The following C18orf63 variants were observed in gnomAD, a reference collection of about 807,000 sequenced individuals.
C18orf63 encodes chromosome 18 open reading frame 63.
C18orf63 carries 50 observed loss-of-function variants against 75.3 expected under a neutral mutation model. The ratio of observed to expected loss-of-function variants is 0.66; its 90% CI spans 0.53 to 0.84. The LOEUF is 0.84. Ranked by LOEUF, C18orf63 falls within the 40% of genes least tolerant of loss-of-function variation. C18orf63 has a pLI of 0.00. For synonymous variants in C18orf63, 232 were observed against 267.6 expected, an observed-to-expected ratio of 0.87 and a Z score of 1.30; for missense variants, 732 against 800.2, an observed-to-expected ratio of 0.91 and a Z score of 1.03.
intron 8 of C18orf63, among the ~76,000 whole-genome samples, chr18:74,339,896 C>T (rs1369813343): frequency 6.6e-6 from 1 of 152,088 alleles, no homozygotes; most frequent in African/African-American, 2.4e-5. Flanking sequence ...GTAACAGCTA[C>T]CAAAAACATA....
At chr18:74,354,375 A>T in intron 12 of C18orf63, 82 bp from the exon 13 acceptor site, 1 of 1,245,738 alleles carries the variant, frequency 8.0e-7, no homozygotes, top group Non-Finnish European at 1.1e-6. Flanking sequence ...CATACTAATT[A>T]ATAAACAGAA....
intron 13 of C18orf63, 76 bp downstream of exon 13, chr18:74,354,622 T>A: frequency 1.5e-6 from 1 of 661,580 alleles, no homozygotes. Flanking sequence ...GTCCCCAACC[T>A]CTTGGTAAAA....
At chr18:74,352,401 A>T (rs1251960139) in intron 11 of C18orf63, among the ~76,000 whole-genome samples, 2 of 152,134 alleles carry the variant, frequency 1.3e-5, no homozygotes, top group African/African-American at 4.8e-5. Context: ...AAAATGGTAA[A>T]TTTTATATTA....
chr18:74,329,058 A>G, intron 6 of C18orf63, 22 bp downstream of exon 6: 1 of 1,403,822 alleles, frequency 7.1e-7, no homozygotes, highest in South Asian at 1.2e-5. Flanking sequence ...TGCATAAGTC[A>G]ATAGATAAAA....
chr18:74,319,679 G>A (rs1039542423), intron 2 of C18orf63, among the ~76,000 whole-genome samples: 14 of 152,194 alleles, frequency 9.2e-5, no homozygotes, highest in Admixed American at 3.9e-4. Context: ...ATGTTTAAGT[G>A]GTTGGTAACT....
intron 5 of C18orf63, among the ~76,000 whole-genome samples, chr18:74,328,790 T>C (rs1176998387): frequency 6.6e-6 from 1 of 152,216 alleles, no homozygotes; most frequent in Non-Finnish European, 1.5e-5. Context: ...GGGGGAAGAA[T>C]TGGGTATTTC....
At chr18:74,317,687 G>A in intron 1 of C18orf63, 147 bp from the exon 2 acceptor site, 2 of 471,516 alleles carry the variant, frequency 4.2e-6, no homozygotes, top group Non-Finnish European at 7.4e-6. Flanking sequence ...AAGGTAAATG[G>A]CAGGGATACT....
intron 13 of C18orf63, 131 bp from the exon 14 acceptor site, chr18:74,356,350 C>T (rs1192629231): frequency 6.6e-6 from 1 of 152,288 alleles, no homozygotes; most frequent in Admixed American, 6.5e-5. Context: ...TATTATTTAG[C>T]TCCCAATAAC....
At chr18:74,349,296 A>G (rs1984626527) in intron 11 of C18orf63, among the ~76,000 whole-genome samples, 2 of 152,236 alleles carry the variant, frequency 1.3e-5, no homozygotes, top group African/African-American at 2.4e-5. Context: ...AATCCAATTT[A>G]GGAACCCTTC....
In C18orf63 at chr18:74,356,995, T is replaced by C. The variant is rs1984777855; in HGVS notation, c.*548T>C. On this transcript the variant is annotated 3_prime_UTR_variant, in exon 14 of 14. Transcript: ENST00000579455. ...AAGTGTATATATTTCTAACATAAGA[T>C]ATAGTATATTTTTTAAGAAAAAAAG... The C allele has an allele frequency of 6.6e-6, 1 of 152,208 alleles. No individual in the cohort carries two copies. Among genetic ancestry groups the C allele is most frequent in the Non-Finnish European group, 1.5e-5 (1 of 68,042 alleles). The allele number at this position is 152,208 out of a possible 1,614,324, so 9.4% of individuals were successfully genotyped here.
chr18:74,326,499 C>T (rs1389509340), intron 4 of C18orf63, among the ~76,000 whole-genome samples: 1 of 152,298 alleles, frequency 6.6e-6, no homozygotes, highest in African/African-American at 2.4e-5. Context: ...CCAGAGTTTG[C>T]TTTCTGTGCA....
At chr18:74,329,581 T>C (rs996223974) in intron 6 of C18orf63, among the ~76,000 whole-genome samples, 7 of 152,178 alleles carry the variant, frequency 4.6e-5, no homozygotes, top group Non-Finnish European at 8.8e-5. Context: ...CTCTCTACTT[T>C]AAAGAAAATC....
intron 1 of C18orf63, among the ~76,000 whole-genome samples, 196 bp downstream of exon 1, chr18:74,316,305 A>C (rs893542841): frequency 6.6e-6 from 1 of 151,968 alleles, no homozygotes; most frequent in African/African-American, 2.4e-5. Context: ...TTATAGAATC[A>C]CCTTTTAAAA....
intron 7 of C18orf63, among the ~76,000 whole-genome samples, chr18:74,337,735 G>A (rs891201857): frequency 6.6e-6 from 1 of 152,072 alleles, no homozygotes; most frequent in Non-Finnish European, 1.5e-5. Flanking sequence ...AACGTAACTA[G>A]CATATCTTAT....
rs533726527 is a variant in C18orf63 at position 74,316,039 on chromosome 18, C to T, written c.-103C>T. ...CTGCCGCCCACCCGCCCTTTCCTCC[C>T]CCTGAGGAGACGCCTGACGCATCTG... On this transcript the variant is annotated 5_prime_UTR_variant, in exon 1 of 14. Transcript: ENST00000579455. 2 of 152,308 alleles carry T rather than the reference C, an allele frequency of 1.3e-5. No individual in the cohort carries two copies. The highest frequency in any genetic ancestry group is 1.5e-5 in the Non-Finnish European group (1 of 68,150). The allele number at this position is 152,308 out of a possible 1,614,324, so 9.4% of individuals were successfully genotyped here.
chr18:74,332,396 T>C (rs1325712556), intron 7 of C18orf63, among the ~76,000 whole-genome samples: 1 of 152,060 alleles, frequency 6.6e-6, no homozygotes, highest in Non-Finnish European at 1.5e-5. Context: ...CCCTCATCAC[T>C]CAATCACCTG....
intron 11 of C18orf63, among the ~76,000 whole-genome samples, chr18:74,344,937 G>T (rs956762156): frequency 1.3e-5 from 2 of 152,016 alleles, no homozygotes; most frequent in African/African-American, 4.8e-5. Flanking sequence ...AGTAGAATTG[G>T]TATGGGTATT....
chr18:74,338,814 GT>G lies in C18orf63; in HGVS notation c.605del (p.Leu202CysfsTer4). On this transcript the variant is annotated frameshift_variant, in exon 8 of 14. Transcript: ENST00000579455. LOFTEE classifies it high-confidence loss of function. Reference sequence around the variant, plus strand: ...TTCCATTTTAAGCAACTGGTGCTACGTTTTGCCAAGGTGAGATTTCAATTTG... The same window carrying G: ...TTCCATTTTAAGCAACTGGTGCTACGTTTGCCAAGGTGAGATTTCAATTTG... ...RHSILSNWCY[V>X]LPSMKMGQII... 1 of 1,388,756 alleles carries G rather than the reference GT, an allele frequency of 7.2e-7. No individual in the cohort carries two copies. The highest frequency in any genetic ancestry group is 1.7e-5 in the South Asian group (1 of 60,486). The allele number at this position is 1,388,756 out of a possible 1,614,324, so 86.0% of individuals were successfully genotyped here. A position where few individuals can be genotyped will look rare whatever the true frequency, so the allele number is the denominator to read the frequency against.
intron 11 of C18orf63, among the ~76,000 whole-genome samples, chr18:74,348,686 ATT>A (rs909299486): frequency 6.6e-6 from 1 of 151,818 alleles, no homozygotes; most frequent in African/African-American, 2.4e-5. Context: ...AATAAAGCAT[ATT>A]TTTTTTGTTG....
Sources: allele counts gnomAD v4.1 joint callset (sites outside exome capture counted in the v4.1 genomes callset), GRCh38; gene constraint gnomAD v4.1.1; transcripts MANE v1.5; gene names NCBI Gene and HGNC (gene_info 2026-07-23, HGNC 2026-07-21).